The following PDZRN4 variants were observed in gnomAD, a reference collection of about 807,000 sequenced individuals.
PDZRN4 encodes PDZ domain-containing RING finger protein 4.
Under a neutral mutation model 99.0 loss-of-function variants are expected in PDZRN4, and 70 were observed. The observed-to-expected ratio is 0.71, with a 90% CI of 0.58 to 0.86. The LOEUF (loss-of-function observed/expected upper bound fraction) is 0.86, where lower values mean the gene tolerates loss of function less well. PDZRN4 is among the 40% of genes least tolerant of loss of function. The pLI, the probability that PDZRN4 is intolerant of heterozygous loss-of-function variation, is 0.00. For synonymous variants in PDZRN4, 551 were observed against 501.6 expected (o/e 1.10, Z -1.32); for missense variants, 1,474 against 1,331.2 (o/e 1.11, Z -1.67).
In PDZRN4 at chr12:41,573,090, A is replaced by C; in HGVS notation, c.2311A>C (p.Asn771His). The C allele has an allele frequency of 6.8e-6, 11 of 1,614,072 alleles. No homozygotes were observed. Among genetic ancestry groups the C allele is most frequent in the Non-Finnish European group, 8.5e-6 (10 of 1,180,004 alleles). The change falls in exon 10 of 10, where the codon AAC becomes CAC. Residue 771 changes from asparagine (N) to histidine (H), a missense_variant. Asn to His is a moderately conservative substitution (Grantham distance 68). Coordinates refer to ENST00000402685, the MANE Select transcript of PDZRN4 (RefSeq NM_001164595.2). ...GGTGATCAACCTCACCAATAAGAAA[A>C]ACCTGAGAAGCACAATGGCAGCCAC... ...PRVINLTNKK[N>H]LRSTMAATQS...
At chr12:41,558,468 C>A (rs1177933301) in intron 7 of PDZRN4, among the ~76,000 whole-genome samples, 4 of 152,144 alleles carry the variant, frequency 2.6e-5, no homozygotes, top group African/African-American at 9.7e-5. Flanking sequence ...CCCCTCTTCC[C>A]TAGGCTAGAT....
intron 3 of PDZRN4, among the ~76,000 whole-genome samples, chr12:41,230,186 C>A (rs1346621425): frequency 6.6e-6 from 1 of 151,898 alleles, no homozygotes; most frequent in Non-Finnish European, 1.5e-5. Flanking sequence ...TTAAGTTGAT[C>A]AAGCAGAGTA....
intron 5 of PDZRN4, among the ~76,000 whole-genome samples, chr12:41,525,844 A>C (rs1005381963): frequency 9.6e-5 from 14 of 146,344 alleles, no homozygotes; most frequent in African/African-American, 3.4e-4. Context: ...GTCCTTCATC[A>C]AAAAAAAAAA....
intron 3 of PDZRN4, among the ~76,000 whole-genome samples, chr12:41,482,203 A>G (rs1002401607): frequency 9.8e-5 from 15 of 152,298 alleles, no homozygotes; most frequent in Admixed American, 7.2e-4. Context: ...TTCACGCAGC[A>G]AAACCTAAGG....
intron 3 of PDZRN4, among the ~76,000 whole-genome samples, chr12:41,235,454 C>T (rs768297427): frequency 3.9e-5 from 6 of 152,094 alleles, no homozygotes. Context: ...ACCAGGGCCA[C>T]ACATTCGAAA....
chr12:41,527,320 A>G (rs1353609599), intron 5 of PDZRN4, among the ~76,000 whole-genome samples: 1 of 152,222 alleles, frequency 6.6e-6, no homozygotes, highest in African/African-American at 2.4e-5. Context: ...GCAGGACCAT[A>G]TAAGGAAAAG....
chr12:41,298,938 C>A (rs1209413904), intron 3 of PDZRN4, among the ~76,000 whole-genome samples: 1 of 152,000 alleles, frequency 6.6e-6, no homozygotes, highest in Non-Finnish European at 1.5e-5. Context: ...TGTTAGAGCC[C>A]CAACAATCTG....
At chr12:41,493,668 G>C (rs568311707) in intron 3 of PDZRN4, among the ~76,000 whole-genome samples, 7 of 152,180 alleles carry the variant, frequency 4.6e-5, no homozygotes, top group Admixed American at 2.0e-4. Flanking sequence ...TGCTGTCTTA[G>C]GGAAATCCTG....
rs560252694 is a variant in PDZRN4 at position 41,345,610 on chromosome 12, T to C, written c.843+151422T>C. 6.6e-5 allele frequency among the ~76,000 whole-genome samples: 10 copies of C among 152,320 alleles called. No homozygotes were observed. The East Asian group carries it at 1.9e-3, about 29-fold the overall frequency. ...TCCTCCCACTTTTGGTGAGGAATCA[T>C]TTATCTTCTCAGTTGCTTTTAATCT... On this transcript the variant is annotated intron_variant, in intron 3 of 9. Coordinates refer to ENST00000402685, the MANE Select transcript of PDZRN4 (RefSeq NM_001164595.2).
At chr12:41,381,328 T>C (rs927388250) in intron 3 of PDZRN4, among the ~76,000 whole-genome samples, 2 of 150,900 alleles carry the variant, frequency 1.3e-5, no homozygotes, top group Admixed American at 6.6e-5. Flanking sequence ...CTCTCTCTCT[T>C]TCTCTCTCTC....
intron 3 of PDZRN4, among the ~76,000 whole-genome samples, chr12:41,280,149 G>C (rs1405030294): frequency 6.6e-6 from 1 of 152,116 alleles, no homozygotes; most frequent in Non-Finnish European, 1.5e-5. Flanking sequence ...GAATCCCTGA[G>C]GGACCCTGCC....
At position 41,430,477 on chromosome 12, in the gene PDZRN4, AAAAG is replaced by A. The variant is rs370641578; in HGVS notation, c.844-75967_844-75964del. Among the ~76,000 whole-genome samples the A allele has an allele frequency of 5.1e-4, 77 of 152,110 alleles. No individual in the cohort carries two copies. In the East Asian group the frequency reaches 0.014, roughly 27 times the overall value. On this transcript the variant is annotated intron_variant, in intron 3 of 9. Coordinates refer to ENST00000402685, the MANE Select transcript of PDZRN4 (RefSeq NM_001164595.2). ...AGCGAGACTCCATCTAAAAAAAAAAAAAAGAAAGAAAGAAATAGAATATGAGAAT... is the reference window on the plus strand; with the variant it reads ...AGCGAGACTCCATCTAAAAAAAAAAAAAAGAAAGAAATAGAATATGAGAAT...
intron 3 of PDZRN4, among the ~76,000 whole-genome samples, chr12:41,274,603 T>C (rs1009271406): frequency 6.6e-6 from 1 of 152,190 alleles, no homozygotes; most frequent in Non-Finnish European, 1.5e-5. Context: ...TGACATTATC[T>C]CTACCTCTTG....
At chr12:41,291,776 G>C (rs988876438) in intron 3 of PDZRN4, among the ~76,000 whole-genome samples, 2 of 152,106 alleles carry the variant, frequency 1.3e-5, no homozygotes, top group African/African-American at 4.8e-5. Context: ...ACCATGAGGA[G>C]GATCTATGGC....
Position 41,188,607 on chromosome 12 carries a change from G to T in PDZRN4, c.152G>T (p.Arg51Leu), listed in dbSNP as rs184000271. 2 of 1,539,260 alleles carry T rather than the reference G, an allele frequency of 1.3e-6. No homozygotes were observed. Among genetic ancestry groups the T allele is most frequent in the Non-Finnish European group, 1.7e-6 (2 of 1,149,268 alleles). The change falls in exon 1 of 10, where the codon CGG (arginine) becomes CTG (leucine). Residue 51 changes from arginine to leucine, a missense_variant. Transcript: ENST00000402685. ...CLLPWAVRRR[R>L]CPLQCQPLAP... ...TTGCCCTGGGCGGTGCGGAGGCGCC[G>T]GTGCCCGCTGCAGTGCCAGCCCTTG...
At chr12:41,314,981 C>G (rs975587559) in intron 3 of PDZRN4, among the ~76,000 whole-genome samples, 1 of 152,026 alleles carries the variant, frequency 6.6e-6, no homozygotes, top group African/African-American at 2.4e-5. Flanking sequence ...CAGAGGTCAC[C>G]TAGGAGAACT....
intron 3 of PDZRN4, among the ~76,000 whole-genome samples, chr12:41,318,683 TA>T (rs1370985875): frequency 6.6e-6 from 1 of 152,176 alleles, no homozygotes; most frequent in Non-Finnish European, 1.5e-5. Context: ...TTTTTAAAAC[TA>T]AGCACACCAG....
At chr12:41,285,760 C>T (rs1363095859) in intron 3 of PDZRN4, among the ~76,000 whole-genome samples, 2 of 151,772 alleles carry the variant, frequency 1.3e-5, no homozygotes, top group African/African-American at 2.4e-5. Flanking sequence ...AACAGAAAAC[C>T]AAACACCGCA....
At chr12:41,496,996 C>T (rs1394792528) in intron 3 of PDZRN4, among the ~76,000 whole-genome samples, 6 of 152,106 alleles carry the variant, frequency 3.9e-5, no homozygotes, top group East Asian at 3.9e-4. Context: ...TTATGACAGA[C>T]GCCCTGTTGT....
Sources: gnomAD v4.1 joint callset for allele counts (sites outside exome capture counted in the v4.1 genomes callset) on GRCh38, gnomAD v4.1.1 for gene constraint, MANE v1.5 for transcripts, NCBI Gene and HGNC (gene_info 2026-07-23, HGNC 2026-07-21) for gene names.